The following NINJ2 variants were observed in gnomAD, a reference collection of about 807,000 sequenced individuals.
The protein encoded by NINJ2 is ninjurin-2.
Under a neutral mutation model 11.7 loss-of-function variants are expected in NINJ2, and 12 were observed. The observed-to-expected ratio is 1.02, with a 90% CI of 0.66 to 1.66. NINJ2 has a LOEUF of 1.66. Ranked by LOEUF, NINJ2 falls within the 40% of genes most tolerant of loss-of-function variation. The pLI is 0.00. For missense variants in NINJ2, 187 were observed against 181.8 expected (o/e 1.03, Z -0.16); for synonymous variants, 93 against 76.8 (o/e 1.21, Z -1.10).
chr12:649,624 GT>G lies in NINJ2; in HGVS notation c.33+13703del, dbSNP rs929967247. 6.1e-5 allele frequency among the ~76,000 whole-genome samples: 9 copies of G among 147,322 alleles called. No homozygotes were observed. In the Admixed American group the frequency reaches 6.2e-4, roughly 10 times the overall value. Reference sequence around the variant, plus strand: ...TCTAATTTTCTTTTTTAAACTACAAGTTTTTTTCTATTCTAAATATAATATA... The same window carrying G: ...TCTAATTTTCTTTTTTAAACTACAAGTTTTTTCTATTCTAAATATAATATA... On this transcript the variant is annotated intron_variant, in intron 1 of 3. Coordinates refer to ENST00000305108, the MANE Select transcript of NINJ2 (RefSeq NM_016533.6).
At chr12:586,681 G>A (rs1220546678) in intron 1 of NINJ2, among the ~76,000 whole-genome samples, 1 of 152,222 alleles carries the variant, frequency 6.6e-6, no homozygotes, top group Non-Finnish European at 1.5e-5. Flanking sequence ...AACCATCGGG[G>A]CAAGGGACCT....
chr12:605,778 A>C (rs1947935067), intron 1 of NINJ2, among the ~76,000 whole-genome samples: 2 of 152,212 alleles, frequency 1.3e-5, no homozygotes, highest in Admixed American at 6.5e-5. Flanking sequence ...TTCGGAACTC[A>C]AAAGATTCAA....
intron 1 of NINJ2, among the ~76,000 whole-genome samples, chr12:612,843 A>T (rs1464117583): frequency 6.6e-6 from 1 of 152,198 alleles, no homozygotes; most frequent in Admixed American, 6.5e-5. Flanking sequence ...CCCTTGGCAC[A>T]CCGGGTCCTC....
intron 1 of NINJ2, among the ~76,000 whole-genome samples, chr12:651,147 C>T (rs182201472): frequency 6.6e-6 from 1 of 151,862 alleles, no homozygotes; most frequent in East Asian, 1.9e-4. Flanking sequence ...TAGGAGCTGC[C>T]CAAGTTCTAT....
At chr12:573,856 C>T (rs920218929) in intron 1 of NINJ2, among the ~76,000 whole-genome samples, 8 of 152,100 alleles carry the variant, frequency 5.3e-5, no homozygotes, top group Admixed American at 4.6e-4. Context: ...TAAGAAGGGA[C>T]CTGGGTGACT....
intron 1 of NINJ2, among the ~76,000 whole-genome samples, chr12:579,042 A>G (rs954296585): frequency 2.6e-5 from 4 of 152,374 alleles, no homozygotes; most frequent in Admixed American, 1.3e-4. Context: ...TTTCAGAACA[A>G]TTAATCATGA....
chr12:571,196 A>G (rs1447811728), intron 1 of NINJ2, among the ~76,000 whole-genome samples: 1 of 152,242 alleles, frequency 6.6e-6, no homozygotes, highest in Non-Finnish European at 1.5e-5. Context: ...AATCTGGCCA[A>G]CCAATGACAC....
chr12:649,716 C>A (rs909950891), intron 1 of NINJ2, among the ~76,000 whole-genome samples: 1 of 151,702 alleles, frequency 6.6e-6, no homozygotes, highest in Non-Finnish European at 1.5e-5. Context: ...GAAAATAAAT[C>A]ATTCATAAAC....
chr12:613,496 C>T (rs369272039), intron 1 of NINJ2, among the ~76,000 whole-genome samples: 3 of 152,112 alleles, frequency 2.0e-5, no homozygotes, highest in East Asian at 1.9e-4. Context: ...GTAATCCCAG[C>T]TACTTGGGAG....
chr12:626,856 C>T (rs1365760158), intron 1 of NINJ2, among the ~76,000 whole-genome samples: 1 of 152,078 alleles, frequency 6.6e-6, no homozygotes, highest in Non-Finnish European at 1.5e-5. Flanking sequence ...GAGGTTGAGG[C>T]GGGAGGATTG....
chr12:639,611 T>A lies in NINJ2; in HGVS notation c.33+23717A>T, dbSNP rs139360708. Among the ~76,000 whole-genome samples the A allele has an allele frequency of 3.7e-3, 570 of 152,132 alleles. 6 individuals carry two copies. The highest frequency in any genetic ancestry group is 0.013 in the African/African-American group (527 of 41,476). On this transcript the variant is annotated intron_variant, in intron 1 of 3. Coordinates refer to ENST00000305108, the MANE Select transcript of NINJ2 (RefSeq NM_016533.6). The stretch of plus-strand genomic sequence containing the variant: ...ATGGCTCCGTTTATGGACTTGTAGG[T>A]TTGAGGTACCTATAAGGAGCTACTG...
chr12:657,457 C>T (rs1214531146), intron 1 of NINJ2, among the ~76,000 whole-genome samples: 6 of 152,040 alleles, frequency 3.9e-5, no homozygotes, highest in South Asian at 2.1e-4. Flanking sequence ...GGCATGGTGG[C>T]GCATGCCTGT....
chr12:588,842 G>A (rs562821599), intron 1 of NINJ2, among the ~76,000 whole-genome samples: 60 of 152,308 alleles, frequency 3.9e-4, no homozygotes, highest in African/African-American at 9.9e-4. Flanking sequence ...CATGATTGGC[G>A]AAGACTTAAG....
At chr12:575,594 C>T in intron 1 of NINJ2, among the ~76,000 whole-genome samples, 1 of 152,308 alleles carries the variant, frequency 6.6e-6, no homozygotes, top group South Asian at 2.1e-4. Flanking sequence ...GTTGTTGAGT[C>T]CTCCTGAGAC....
chr12:618,219 G>GGGGGTGAGGAGTTGGTAATGAGGAGGTA (rs1948114885), intron 1 of NINJ2, among the ~76,000 whole-genome samples: 1 of 147,614 alleles, frequency 6.8e-6, no homozygotes, highest in Non-Finnish European at 1.5e-5. Flanking sequence ...ATGAGGAGGT[G>GGGGGTGAGGAGTTGGTAATGAGGAGGTA]GGGGTGAGGA....
At chr12:612,944 G>C (rs1253801575) in intron 1 of NINJ2, among the ~76,000 whole-genome samples, 1 of 152,158 alleles carries the variant, frequency 6.6e-6, no homozygotes, top group Non-Finnish European at 1.5e-5. Context: ...TCAATCCATG[G>C]GTCTTCCAAG....
intron 1 of NINJ2, among the ~76,000 whole-genome samples, chr12:574,354 T>C (rs1194667955): frequency 6.6e-6 from 1 of 152,084 alleles, no homozygotes; most frequent in African/African-American, 2.4e-5. Context: ...CAATAATAAA[T>C]TTGTAACAAA....
At chr12:650,243 C>G (rs1281542721) in intron 1 of NINJ2, among the ~76,000 whole-genome samples, 1 of 152,028 alleles carries the variant, frequency 6.6e-6, no homozygotes, top group Admixed American at 6.6e-5. Flanking sequence ...CACCACCACA[C>G]CTGGCTAATT....
At position 566,068 on chromosome 12, in the gene NINJ2, C is replaced by T; in HGVS notation, c.144G>A (p.Met48Ile). Reference protein sequence around the residue: ...LDVALFMSNAMRLKAVLEQGP... With the variant: ...LDVALFMSNAIRLKAVLEQGP... ...CCTGCTCCAGCACCGCCTTCAGCCG[C>T]ATGGCGTTGGACATGAACAGGGCCA... The change falls in exon 2 of 4, where the codon ATG becomes ATA. Residue 48 changes from methionine (M) to isoleucine (I), a missense_variant. Transcript: ENST00000305108. 1 of 1,614,172 alleles carries T rather than the reference C, an allele frequency of 6.2e-7. No homozygotes were observed. Among genetic ancestry groups the T allele is most frequent in the Non-Finnish European group, 8.5e-7 (1 of 1,180,034 alleles).
Sources: gnomAD v4.1 joint callset for allele counts (sites outside exome capture counted in the v4.1 genomes callset) on GRCh38, gnomAD v4.1.1 for gene constraint, MANE v1.5 for transcripts, NCBI Gene and HGNC (gene_info 2026-07-23, HGNC 2026-07-21) for gene names.